The following PTPN4 variants were observed in gnomAD, a reference collection of about 807,000 sequenced individuals.
PTPN4 encodes tyrosine-protein phosphatase non-receptor type 4.
Under a neutral mutation model 135.5 loss-of-function variants are expected in PTPN4, and 49 were observed. That is an observed-to-expected ratio of 0.36 (90% CI 0.29 to 0.46). PTPN4 has a LOEUF of 0.46. PTPN4 is among the 20% of genes least tolerant of loss of function. PTPN4 has a pLI of 1.00. For missense variants in PTPN4, 860 were observed against 1,101.0 expected (o/e 0.78, Z 3.10); for synonymous variants, 333 against 369.9 (o/e 0.90, Z 1.14).
At chr2:119,889,573 T>C (rs1678211078) in intron 9 of PTPN4, among the ~76,000 whole-genome samples, 1 of 152,192 alleles carries the variant, frequency 6.6e-6, no homozygotes, top group South Asian at 2.1e-4. Context: ...AAGAACCAAC[T>C]TTTTGTTTCA....
At chr2:119,963,092 G>T (rs549974881) in intron 24 of PTPN4, among the ~76,000 whole-genome samples, 1 of 152,202 alleles carries the variant, frequency 6.6e-6, no homozygotes, top group Admixed American at 6.5e-5. Context: ...CAGTATTTGG[G>T]TGTGTCTGTG....
chr2:119,854,248 G>A (rs527357082), intron 2 of PTPN4, among the ~76,000 whole-genome samples: 8 of 152,240 alleles, frequency 5.3e-5, no homozygotes, highest in African/African-American at 1.9e-4. Context: ...AGGAGGAGAC[G>A]GAGGAATTAC....
chr2:119,977,343 G>T lies in PTPN4; in HGVS notation c.*273G>T. Reference sequence around the variant, plus strand: ...AGGGTAATTTATGAAATTTTGTGGTGGTGCCATGCAATCCCCTTTTGGTAG... The same window carrying T: ...AGGGTAATTTATGAAATTTTGTGGTTGTGCCATGCAATCCCCTTTTGGTAG... On this transcript the variant is annotated 3_prime_UTR_variant, in exon 27 of 27. Coordinates refer to ENST00000263708, the MANE Select transcript of PTPN4 (RefSeq NM_002830.4). The T allele has an allele frequency of 3.0e-6, 1 of 335,612 alleles. No homozygotes were observed. 20.8% of individuals were successfully genotyped at this position (335,612 alleles called of 1,614,324 possible). A position where few individuals can be genotyped will look rare whatever the true frequency, so the allele number is the denominator to read the frequency against.
intron 1 of PTPN4, among the ~76,000 whole-genome samples, chr2:119,806,145 C>T (rs558573408): frequency 5.3e-5 from 8 of 152,254 alleles, no homozygotes; most frequent in East Asian, 3.9e-4. Flanking sequence ...TAAAGACCAT[C>T]GATGCTAGGA....
chr2:119,866,690 A>G (rs1677839703), intron 3 of PTPN4, among the ~76,000 whole-genome samples: 1 of 152,130 alleles, frequency 6.6e-6, no homozygotes, highest in Non-Finnish European at 1.5e-5. Context: ...GATTTCTTTT[A>G]TATAACTCAA....
chr2:119,833,153 T>C (rs1677242992), intron 2 of PTPN4, among the ~76,000 whole-genome samples: 1 of 152,182 alleles, frequency 6.6e-6, no homozygotes, highest in Non-Finnish European at 1.5e-5. Context: ...AAGTTTGTTG[T>C]TAATCTTTTT....
intron 10 of PTPN4, among the ~76,000 whole-genome samples, chr2:119,913,270 G>A (rs1180007914): frequency 6.6e-6 from 1 of 151,986 alleles, no homozygotes; most frequent in Non-Finnish European, 1.5e-5. Flanking sequence ...TTTCAAACGT[G>A]GCTGCATCAT....
chr2:119,760,222 T>C lies in PTPN4; in HGVS notation c.-180T>C. 2.5e-6 allele frequency: 1 copy of C among 396,402 alleles called. No homozygotes were observed. The highest frequency in any genetic ancestry group is 4.5e-6 in the Non-Finnish European group (1 of 224,622). 24.6% of individuals were successfully genotyped at this position (396,402 alleles called of 1,614,324 possible). ...GCGGCTGCCCAGCAGCATGAGGTGGTGCTGGCGGCTCCGGGTCGTGGCGCG... is the reference window on the plus strand; with the variant it reads ...GCGGCTGCCCAGCAGCATGAGGTGGCGCTGGCGGCTCCGGGTCGTGGCGCG... On this transcript the variant is annotated 5_prime_UTR_variant, in exon 1 of 27. Coordinates refer to ENST00000263708, the MANE Select transcript of PTPN4 (RefSeq NM_002830.4).
chr2:119,889,572 CTT>C (rs1223374513), intron 9 of PTPN4, among the ~76,000 whole-genome samples: 1 of 152,078 alleles, frequency 6.6e-6, no homozygotes, highest in East Asian at 1.9e-4. Context: ...GAAGAACCAA[CTT>C]TTTGTTTCAT....
chr2:119,791,126 CTCTTTTTTT>C (rs1691137032), intron 1 of PTPN4: 1 of 139,494 alleles, frequency 7.2e-6, no homozygotes, highest in Non-Finnish European at 1.5e-5. Context: ...TATCTAATTA[CTCTTTTTTT>C]TTTTTTTTTT....
intron 1 of PTPN4, among the ~76,000 whole-genome samples, chr2:119,764,176 A>T (rs140696967): frequency 1.2e-3 from 176 of 152,320 alleles, no homozygotes; most frequent in African/African-American, 4.0e-3. Context: ...AGCACACATA[A>T]AGGATAGTGG....
intron 2 of PTPN4, among the ~76,000 whole-genome samples, chr2:119,839,683 T>C (rs1558741099): frequency 6.6e-6 from 1 of 152,250 alleles, no homozygotes; most frequent in Non-Finnish European, 1.5e-5. Context: ...TTATTATGAA[T>C]AGTATTTGAA....
chr2:119,938,111 T>C (rs959505096), intron 15 of PTPN4, among the ~76,000 whole-genome samples: 1 of 149,360 alleles, frequency 6.7e-6, no homozygotes, highest in Non-Finnish European at 1.5e-5. Flanking sequence ...TACTTTTTTT[T>C]AAATGTGGGA....
intron 15 of PTPN4, among the ~76,000 whole-genome samples, chr2:119,939,775 C>G (rs933029131): frequency 6.6e-5 from 10 of 152,272 alleles, no homozygotes; most frequent in Admixed American, 3.9e-4. Context: ...CTGATGATTT[C>G]CATCTACAAC....
intron 15 of PTPN4, among the ~76,000 whole-genome samples, chr2:119,943,580 C>CTTTTTTTTTTTTTTTTT (rs70949374): frequency 6.3e-5 from 5 of 79,916 alleles, no homozygotes; most frequent in African/African-American, 5.0e-5. Flanking sequence ...TCATTTTTTT[C>CTTTTTTTTTTTTTTTTT]TTTTTTTTTT....
At chr2:119,836,343 C>G in intron 2 of PTPN4, among the ~76,000 whole-genome samples, 1 of 152,228 alleles carries the variant, frequency 6.6e-6, no homozygotes, top group South Asian at 2.1e-4. Context: ...AACTCTGGAA[C>G]TGCTGATCAG....
intron 2 of PTPN4, among the ~76,000 whole-genome samples, chr2:119,838,670 T>C (rs1351345583): frequency 6.6e-6 from 1 of 152,236 alleles, no homozygotes; most frequent in Non-Finnish European, 1.5e-5. Flanking sequence ...TTAGTTTCTC[T>C]GTAGATGTAT....
At chr2:119,890,047 A>G (rs1678218937) in intron 9 of PTPN4, among the ~76,000 whole-genome samples, 2 of 152,272 alleles carry the variant, frequency 1.3e-5, no homozygotes, top group South Asian at 2.1e-4. Flanking sequence ...TCTAATGTTC[A>G]GTTTAAGTCC....
At chr2:119,782,963 A>T (rs1448599410) in intron 1 of PTPN4, among the ~76,000 whole-genome samples, 6 of 149,208 alleles carry the variant, frequency 4.0e-5, no homozygotes, top group Non-Finnish European at 4.4e-5. Flanking sequence ...CTGCCTTGGT[A>T]TTACAGGTGT....
Sources: allele counts gnomAD v4.1 joint callset (sites outside exome capture counted in the v4.1 genomes callset), GRCh38; gene constraint gnomAD v4.1.1; transcripts MANE v1.5; gene names NCBI Gene and HGNC (gene_info 2026-07-23, HGNC 2026-07-21).